GCC2: variants seen among roughly 807,000 people sequenced by gnomAD.
GCC2 encodes the protein GRIP and coiled-coil domain containing 2, also known as GRIP and coiled-coil domain-containing protein 2.
In GCC2, 120 loss-of-function variants were observed where a neutral mutation model predicts 210.6. That is an observed-to-expected ratio of 0.57 (90% CI 0.49 to 0.66). The LOEUF is 0.66. Ranked by LOEUF, GCC2 falls within the 30% of genes least tolerant of loss-of-function variation. The pLI, the probability that GCC2 is intolerant of heterozygous loss-of-function variation, is 0.00. For synonymous variants in GCC2, 703 were observed against 652.7 expected (o/e 1.08, Z -1.17); for missense variants, 1,868 against 1,871.9 (o/e 1.00, Z 0.04).
At chr2:108,477,500 T>G (rs1239386717) in intron 9 of GCC2, among the ~76,000 whole-genome samples, 1 of 152,138 alleles carries the variant, frequency 6.6e-6, no homozygotes, top group Non-Finnish European at 1.5e-5. Flanking sequence ...GAGCTGAAAT[T>G]TTAATTCAGG....
chr2:108,479,732 C>G (rs1681737901), intron 9 of GCC2, among the ~76,000 whole-genome samples: 1 of 151,856 alleles, frequency 6.6e-6, no homozygotes, highest in African/African-American at 2.4e-5. Context: ...GCCTGTAATT[C>G]CAACACTTTG....
chr2:108,449,838 C>T (rs1679822648), intron 2 of GCC2, 149 bp downstream of exon 2: 1 of 612,986 alleles, frequency 1.6e-6, no homozygotes, highest in Admixed American at 3.0e-5. Flanking sequence ...CGCAATCGCC[C>T]ATTTCCTGTT....
chr2:108,493,919 CTTAATGAAATGCAAAA>C (rs1682523361), intron 19 of GCC2: 1 of 985,190 alleles, frequency 1.0e-6, no homozygotes, highest in Non-Finnish European at 1.2e-6. Context: ...ACTAAGGCAA[CTTAATGAAATGCAAAA>C]TAAATGAAAT....
At chr2:108,459,690 G>T (rs920177714) in intron 4 of GCC2, among the ~76,000 whole-genome samples, 2 of 97,674 alleles carry the variant, frequency 2.0e-5, no homozygotes, top group Non-Finnish European at 4.1e-5. Flanking sequence ...GTTTAGAATT[G>T]TTACATCTTT....
At chr2:108,459,584 G>A (rs1455707826) in intron 4 of GCC2, among the ~76,000 whole-genome samples, 1 of 151,614 alleles carries the variant, frequency 6.6e-6, no homozygotes, top group East Asian at 1.9e-4. Flanking sequence ...AGTGGGGTGA[G>A]TTTGCCCAGT....
In GCC2 at chr2:108,472,008, A is replaced by T. The variant is rs1681256594; in HGVS notation, c.2679A>T (p.Glu893Asp). ...EEVSQTCSKS[E>D]IHNEKEKCFI... ...TATCTCAAACATGTAGCAAAAGTGA[A>T]ATCCATAATGAAAAAGAAAAATGTT... The change falls in exon 6 of 23, where the codon GAA (glutamate) becomes GAT (aspartate). Residue 893 changes from glutamate (E) to aspartate (D), a missense_variant. Coordinates refer to ENST00000309863, the MANE Select transcript of GCC2 (RefSeq NM_181453.4). 1 of 1,599,962 alleles carries T rather than the reference A, an allele frequency of 6.3e-7. No individual in the cohort carries two copies. Among genetic ancestry groups the T allele is most frequent in the African/African-American group, 1.4e-5 (1 of 73,882 alleles).
intron 19 of GCC2, 45 bp from the exon 20 acceptor site, chr2:108,495,246 G>C (rs767386396): frequency 7.9e-7 from 1 of 1,270,872 alleles, no homozygotes; most frequent in South Asian, 1.3e-5. Context: ...CAAATCAATA[G>C]ATTTTGAACA....
chr2:108,461,793 T>A (rs1220071139), intron 4 of GCC2, among the ~76,000 whole-genome samples: 1 of 151,574 alleles, frequency 6.6e-6, no homozygotes, highest in Non-Finnish European at 1.5e-5. Context: ...CATGAGCCAC[T>A]GTGCCTGGCC....
rs770983017 is a variant in GCC2, at chr2:108,470,225, T to C, written c.896T>C (p.Leu299Ser). 1.2e-6 allele frequency: 2 copies of C among 1,613,418 alleles called. No homozygotes were observed. The highest frequency in any genetic ancestry group is 8.5e-7 in the Non-Finnish European group (1 of 1,179,724). ...KNIQKKYECE[L>S]ENLRKATSNA... ...ATCCAGAAGAAATATGAATGTGAGT[T>C]AGAAAATTTAAGGAAAGCCACCTCA... Residue 299 changes from leucine to serine, a missense_variant, in exon 6 of 23, where the codon TTA becomes TCA. Physicochemically the swap from Leu to Ser is moderately radical, Grantham distance 145 (BLOSUM62 -2). Coordinates refer to ENST00000309863, the MANE Select transcript of GCC2 (RefSeq NM_181453.4).
chr2:108,469,165 G>A (rs1681055976), intron 5 of GCC2, 81 bp downstream of exon 5: 1 of 736,292 alleles, frequency 1.4e-6, no homozygotes, highest in Admixed American at 2.5e-5. Flanking sequence ...ACTTTAAAAA[G>A]CATCTAATCT....
In GCC2 at chr2:108,471,030, G is replaced by T. The variant is rs1363495038; in HGVS notation, c.1701G>T (p.Lys567Asn). Residue 567 changes from lysine to asparagine, a missense_variant, in exon 6 of 23, where the codon AAG becomes AAT. Lys to Asn is a moderately conservative substitution (Grantham distance 94, BLOSUM62 0). This residue lies in a region of GCC2 where 1,847 missense variants were observed against 1,765.2 expected (regional missense o/e 1.05). Transcript: ENST00000309863. ...LENTIKNLQEKNGVYLLSLSQ... is the reference protein window; with the variant it reads ...LENTIKNLQENNGVYLLSLSQ... Reference sequence around the variant, plus strand: ...ATACCATAAAGAACCTTCAAGAAAAGAATGGAGTATACTTACTTAGTCTCA... The same window carrying T: ...ATACCATAAAGAACCTTCAAGAAAATAATGGAGTATACTTACTTAGTCTCA... 6.2e-7 allele frequency: 1 copy of T among 1,608,090 alleles called. No homozygotes were observed.
intron 2 of GCC2, among the ~76,000 whole-genome samples, chr2:108,450,343 G>T (rs1474220): frequency 0.61 from 92,438 of 152,102 alleles, 28,770 homozygotes; most frequent in East Asian, 0.96. Flanking sequence ...GTAATTATGC[G>T]TAAATTTTCT....
rs574808072 is a variant in GCC2 at position 108,475,427 on chromosome 2, T to A, written c.2861-108T>A. On this transcript the variant is annotated intron_variant, in intron 7 of 22. Coordinates refer to ENST00000309863, the MANE Select transcript of GCC2 (RefSeq NM_181453.4). Reference sequence around the variant, plus strand: ...ACTGTTTTTACTGCTTATTTTAATATCAAATTACCAATTTTGTGCTCCCAA... The same window carrying A: ...ACTGTTTTTACTGCTTATTTTAATAACAAATTACCAATTTTGTGCTCCCAA... 1.7e-4 allele frequency: 88 copies of A among 529,998 alleles called. 1 individual carries two copies. In the East Asian group the frequency reaches 2.7e-3, roughly 16 times the overall value. 32.8% of individuals were successfully genotyped at this position (529,998 alleles called of 1,614,324 possible).
Position 108,469,861 on chromosome 2 carries a change from GATA to G in GCC2, c.535_537del (p.Asn179del), listed in dbSNP as rs1681093231. 1 of 1,611,994 alleles carries G rather than the reference GATA, an allele frequency of 6.2e-7. No individual in the cohort carries two copies. Among genetic ancestry groups the G allele is most frequent in the African/African-American group, 1.3e-5 (1 of 74,754 alleles). The stretch of plus-strand genomic sequence containing the variant: ...ACTTAAATTTCAGAACAACTCTGAA[GATA>G]ATGTTAAAAAACTACAAGAAGAGAT... On this transcript the variant is annotated inframe_deletion, in exon 6 of 23. Coordinates refer to ENST00000309863, the MANE Select transcript of GCC2 (RefSeq NM_181453.4).
intron 4 of GCC2, among the ~76,000 whole-genome samples, chr2:108,460,620 CTAG>C (rs954198388): frequency 2.6e-5 from 4 of 152,102 alleles, no homozygotes; most frequent in African/African-American, 7.2e-5. Flanking sequence ...TAGGTCTGGT[CTAG>C]TAGTAATGAA....
chr2:108,458,374 C>CTTTTTTTTTTTTTT (rs70956257), intron 4 of GCC2, among the ~76,000 whole-genome samples: 2 of 100,306 alleles, frequency 2.0e-5, no homozygotes, highest in African/African-American at 3.9e-5. Flanking sequence ...TTGTTGCTTT[C>CTTTTTTTTTTTTTT]TTTTTTTTTT....
At chr2:108,490,860 C>CTATT (rs1477290209) in intron 18 of GCC2, among the ~76,000 whole-genome samples, 1 of 152,156 alleles carries the variant, frequency 6.6e-6, no homozygotes, top group Non-Finnish European at 1.5e-5. Flanking sequence ...ATTGCTAACA[C>CTATT]AAATAAAGTA....
At chr2:108,492,542 A>G in intron 18 of GCC2, 31 bp from the exon 19 acceptor site, 1 of 1,441,466 alleles carries the variant, frequency 6.9e-7, no homozygotes, top group East Asian at 2.3e-5. Flanking sequence ...AAGTTGAAAG[A>G]TCTTCTGTAA....
Position 108,470,133 on chromosome 2 carries a change from AGAGATAAATAAGTTGAAC to A in GCC2, c.808_825del (p.Ile270_Glu275del), listed in dbSNP as rs1176920721. 11 of 1,613,726 alleles carry A rather than the reference AGAGATAAATAAGTTGAAC, an allele frequency of 6.8e-6. No individual in the cohort carries two copies. The highest frequency in any genetic ancestry group is 9.3e-6 in the Non-Finnish European group (11 of 1,179,876). On this transcript the variant is annotated inframe_deletion, in exon 6 of 23. Transcript: ENST00000309863. ...AAGCATCAGCTAAGGAACATGAAGC[AGAGATAAATAAGTTGAAC>A]GAGCTAAAAGAGAACTTAGTAAAAC...
Sources: allele counts gnomAD v4.1 joint callset (sites outside exome capture counted in the v4.1 genomes callset), GRCh38; gene constraint gnomAD v4.1.1; regional missense constraint gnomAD v4.1.1; transcripts MANE v1.5; gene names NCBI Gene and HGNC (gene_info 2026-07-23, HGNC 2026-07-21).